The following PRKD1 variants were observed in gnomAD, a reference collection of about 807,000 sequenced individuals.
PRKD1 encodes the protein protein kinase D1, also known as serine/threonine-protein kinase D1.
In PRKD1, 63 loss-of-function variants were observed where a neutral mutation model predicts 95.9. That is an observed-to-expected ratio of 0.66 (90% CI 0.54 to 0.81). The LOEUF (loss-of-function observed/expected upper bound fraction) is 0.81. Ranked by LOEUF, PRKD1 falls within the 30% of genes least tolerant of loss-of-function variation. The pLI is 0.00. For missense variants in PRKD1, 1,048 were observed against 1,165.3 expected (o/e 0.90, Z 1.47); for synonymous variants, 425 against 423.1 (o/e 1.00, Z -0.05).
At chr14:29,672,126 A>G (rs1214540063) in intron 2 of PRKD1, among the ~76,000 whole-genome samples, 2 of 151,988 alleles carry the variant, frequency 1.3e-5, no homozygotes, top group Non-Finnish European at 2.9e-5. Flanking sequence ...GCAGATCACG[A>G]GGTCAGGAGA....
chr14:29,739,356 C>A (rs1886882916), intron 1 of PRKD1, among the ~76,000 whole-genome samples: 1 of 152,134 alleles, frequency 6.6e-6, no homozygotes, highest in African/African-American at 2.4e-5. Context: ...CTATCTTCTG[C>A]TTAGACCTCT....
intron 13 of PRKD1, among the ~76,000 whole-genome samples, chr14:29,604,911 G>C (rs955306610): frequency 1.3e-5 from 2 of 152,198 alleles, no homozygotes; most frequent in Non-Finnish European, 2.9e-5. Context: ...AATGACATCA[G>C]CGTCTCTCCA....
chr14:29,713,625 T>C (rs1594451806), intron 2 of PRKD1, among the ~76,000 whole-genome samples: 1 of 152,274 alleles, frequency 6.6e-6, no homozygotes, highest in East Asian at 1.9e-4. Flanking sequence ...TTTGGGAAAA[T>C]ATGAGATAAA....
At chr14:29,871,578 G>A (rs1213372163) in intron 1 of PRKD1, among the ~76,000 whole-genome samples, 1 of 152,200 alleles carries the variant, frequency 6.6e-6, no homozygotes, top group Non-Finnish European at 1.5e-5. Context: ...GGGGTTATAA[G>A]TGTAACTAAT....
At chr14:29,633,098 C>G in intron 8 of PRKD1, 152 bp from the exon 9 acceptor site, 1 of 681,996 alleles carries the variant, frequency 1.5e-6, no homozygotes, top group South Asian at 1.8e-5. Context: ...CAATTTCAGG[C>G]TCTAGAGGTT....
At position 29,851,121 on chromosome 14, in the gene PRKD1, C is replaced by T. The variant is rs72660433; in HGVS notation, c.264+76128G>A. On this transcript the variant is annotated intron_variant, in intron 1 of 17. Coordinates refer to ENST00000331968, the MANE Select transcript of PRKD1 (RefSeq NM_002742.3). ...AATATAAAACCTCAAACTACAAAAA[C>T]CCTACAAGAAAACCTAGAAAATGTC... Among the ~76,000 whole-genome samples the T allele has an allele frequency of 7.3e-3, 1,110 of 152,160 alleles. 8 individuals carry two copies. The highest frequency in any genetic ancestry group is 0.031 in the Middle Eastern group (9 of 294).
At chr14:29,687,650 G>T (rs1194238624) in intron 2 of PRKD1, among the ~76,000 whole-genome samples, 2 of 152,148 alleles carry the variant, frequency 1.3e-5, no homozygotes, top group African/African-American at 2.4e-5. Flanking sequence ...GAAATCCAGA[G>T]ATATCTAAAT....
chr14:29,591,704 T>C (rs913960400), intron 16 of PRKD1, among the ~76,000 whole-genome samples: 1 of 152,166 alleles, frequency 6.6e-6, no homozygotes, highest in African/African-American at 2.4e-5. Flanking sequence ...GCCTTACAAA[T>C]ATTCTTGCTT....
At chr14:29,698,722 G>A (rs1411602740) in intron 2 of PRKD1, among the ~76,000 whole-genome samples, 2 of 151,868 alleles carry the variant, frequency 1.3e-5, no homozygotes, top group Non-Finnish European at 2.9e-5. Context: ...CTGCTTGCTG[G>A]TTTGTGAGTC....
chr14:29,636,352 C>A lies in PRKD1; in HGVS notation c.1128G>T (p.Gln376His), dbSNP rs779000463. ...GATCTTGCATCTCGCCACTGTCGTT[C>A]TGGCACTCTGCCATTGCCATCTCTG... Reference protein sequence around the residue: ...QDAEMAMAECQNDSGEMQDPD... With the variant: ...QDAEMAMAECHNDSGEMQDPD... Residue 376 changes from glutamine to histidine, a missense_variant, in exon 7 of 18, where the codon CAG becomes CAT. Transcript: ENST00000331968. 3.7e-6 allele frequency: 6 copies of A among 1,614,112 alleles called. No individual in the cohort carries two copies. In the Admixed American group the frequency reaches 5.0e-5, roughly 13 times the overall value.
chr14:29,579,055 C>T (rs1363361705), intron 16 of PRKD1, among the ~76,000 whole-genome samples: 1 of 151,844 alleles, frequency 6.6e-6, no homozygotes, highest in Non-Finnish European at 1.5e-5. Flanking sequence ...GGGGTTAGAA[C>T]CACAATCCCT....
At chr14:29,701,933 C>G (rs1386393471) in intron 2 of PRKD1, among the ~76,000 whole-genome samples, 1 of 152,108 alleles carries the variant, frequency 6.6e-6, no homozygotes, top group African/African-American at 2.4e-5. Flanking sequence ...AATTGGGATA[C>G]CGAAGATATT....
chr14:29,746,264 G>T (rs974427257), intron 1 of PRKD1, among the ~76,000 whole-genome samples: 1 of 152,016 alleles, frequency 6.6e-6, no homozygotes, highest in Non-Finnish European at 1.5e-5. Context: ...AACTGAATGC[G>T]CTTATTCCTA....
chr14:29,731,623 T>C (rs1041880373), intron 1 of PRKD1, among the ~76,000 whole-genome samples: 6 of 152,202 alleles, frequency 3.9e-5, no homozygotes, highest in Non-Finnish European at 8.8e-5. Flanking sequence ...TGCTGTTAGG[T>C]GTATAAACAA....
At chr14:29,583,273 T>TA (rs1594337188) in intron 16 of PRKD1, among the ~76,000 whole-genome samples, 1 of 152,148 alleles carries the variant, frequency 6.6e-6, no homozygotes, top group African/African-American at 2.4e-5. Flanking sequence ...TTTCAGGCAA[T>TA]AAACAGATGC....
chr14:29,738,073 A>G (rs1277863904), intron 1 of PRKD1, among the ~76,000 whole-genome samples: 1 of 152,230 alleles, frequency 6.6e-6, no homozygotes, highest in Non-Finnish European at 1.5e-5. Context: ...ACCACATTAT[A>G]AAGTATAAAT....
rs149171710 is a variant in PRKD1, at chr14:29,883,021, C to T, written c.264+44228G>A. ...TTATAAAGAAAAGAAGTTCTGCAGGCTATACAAGCATGGTGCTGGCATCTG... is the reference window on the plus strand; with the variant it reads ...TTATAAAGAAAAGAAGTTCTGCAGGTTATACAAGCATGGTGCTGGCATCTG... On this transcript the variant is annotated intron_variant, in intron 1 of 17. Coordinates refer to ENST00000331968, the MANE Select transcript of PRKD1 (RefSeq NM_002742.3). Among the ~76,000 whole-genome samples, 19 of 152,250 alleles carry T rather than the reference C, an allele frequency of 1.2e-4. No homozygotes were observed. The East Asian group carries it at 3.7e-3, about 29-fold the overall frequency.
intron 1 of PRKD1, among the ~76,000 whole-genome samples, chr14:29,819,345 T>C (rs1890814736): frequency 6.6e-6 from 1 of 152,002 alleles, no homozygotes; most frequent in Non-Finnish European, 1.5e-5. Context: ...CCTCAGACAG[T>C]TCAGGAATTA....
chr14:29,760,671 A>G (rs936847011), intron 1 of PRKD1, among the ~76,000 whole-genome samples: 1 of 151,912 alleles, frequency 6.6e-6, no homozygotes, highest in Non-Finnish European at 1.5e-5. Context: ...CTTCCTAAAC[A>G]TACCAGTTAA....
Sources: gnomAD v4.1 joint callset for allele counts (sites outside exome capture counted in the v4.1 genomes callset) on GRCh38, gnomAD v4.1.1 for gene constraint, MANE v1.5 for transcripts, NCBI Gene and HGNC (gene_info 2026-07-23, HGNC 2026-07-21) for gene names.